The following TRHDE variants were observed in gnomAD, a reference collection of about 807,000 sequenced individuals.
TRHDE encodes the protein thyrotropin-releasing hormone-degrading ectoenzyme.
A neutral mutation model predicts 125.7 loss-of-function variants in TRHDE; 72 were observed. The observed-to-expected ratio is 0.57, with a 90% CI of 0.47 to 0.70. The LOEUF (loss-of-function observed/expected upper bound fraction) is 0.70. Ranked by LOEUF, TRHDE falls within the 30% of genes least tolerant of loss-of-function variation. The pLI, the probability that TRHDE is intolerant of heterozygous loss-of-function variation, is 0.00. For missense variants in TRHDE, 1,110 were observed against 1,327.1 expected, an observed-to-expected ratio of 0.84 and a Z score of 2.54; for synonymous variants, 509 against 509.1, an observed-to-expected ratio of 1.00 and a Z score of 0.00.
intron 2 of TRHDE, among the ~76,000 whole-genome samples, chr12:72,355,059 T>C (rs1870749694): frequency 1.3e-5 from 2 of 151,492 alleles, no homozygotes; most frequent in Admixed American, 1.3e-4. Context: ...CTCTTCTAGG[T>C]GTGGTGAATA....
chr12:72,361,304 C>A (rs1029301571), intron 2 of TRHDE, among the ~76,000 whole-genome samples: 2 of 151,622 alleles, frequency 1.3e-5, no homozygotes, highest in African/African-American at 4.8e-5. Flanking sequence ...AGGTGAAAAT[C>A]CAGATATTTT....
intron 2 of TRHDE, among the ~76,000 whole-genome samples, chr12:72,129,424 C>A (rs371113351): frequency 5.3e-5 from 8 of 152,158 alleles, no homozygotes; most frequent in African/African-American, 1.9e-4. Flanking sequence ...GTGATGAATG[C>A]CTAGATTGTC....
In TRHDE at chr12:72,378,111, G is replaced by A; in HGVS notation, c.1305G>A (p.Leu435=). Residue 435 remains leucine, a synonymous_variant, in exon 3 of 19, where the codon TTG becomes TTA. Transcript: ENST00000261180. Reference sequence around the variant, plus strand: ...ACTACTTTAAAGTGCCCTATTCCTTGCCAAAACTAGGTAAGAATTTTCTTG... The same window carrying A: ...ACTACTTTAAAGTGCCCTATTCCTTACCAAAACTAGGTAAGAATTTTCTTG... ...YEDYFKVPYS[L]PKLDLLAVPK... is the part of the protein sequence containing the mutation. 1 of 1,571,324 alleles carries A rather than the reference G, an allele frequency of 6.4e-7. No individual in the cohort carries two copies.
intron 15 of TRHDE, among the ~76,000 whole-genome samples, chr12:72,627,695 T>G (rs1425916097): frequency 6.6e-6 from 1 of 151,868 alleles, no homozygotes. Context: ...TTGACTTTCT[T>G]TTTTTAAAAA....
intron 2 of TRHDE, among the ~76,000 whole-genome samples, chr12:72,245,910 G>A (rs946449094): frequency 2.0e-5 from 3 of 152,164 alleles, no homozygotes; most frequent in Non-Finnish European, 2.9e-5. Context: ...ACAACTGGGA[G>A]TATAGTATAT....
At chr12:72,426,715 AT>A (rs34892584) in intron 3 of TRHDE, among the ~76,000 whole-genome samples, 19,808 of 150,602 alleles carry the variant, frequency 0.13, 1,675 homozygotes, top group East Asian at 0.47. Flanking sequence ...ACAAAAATAG[AT>A]TTAAAAAAAA....
At chr12:72,116,214 T>A (rs1247501521) in intron 2 of TRHDE, among the ~76,000 whole-genome samples, 1 of 152,264 alleles carries the variant, frequency 6.6e-6, no homozygotes, top group African/African-American at 2.4e-5. Flanking sequence ...GGCTGCATAG[T>A]ATTCCATGGT....
In TRHDE at chr12:72,458,593, CTTCT is replaced by C. The variant is rs1205692207; in HGVS notation, c.1316-11164_1316-11161del. 2.0e-5 allele frequency among the ~76,000 whole-genome samples: 3 copies of C among 152,124 alleles called. No homozygotes were observed. The East Asian group carries it at 5.8e-4, about 29-fold the overall frequency. ...CCCAGCCTCTCCCCAATGCATCAGACTTCTACATTCAGCCTCTTAGTAGATATCT... is the reference window on the plus strand; with the variant it reads ...CCCAGCCTCTCCCCAATGCATCAGACACATTCAGCCTCTTAGTAGATATCT... On this transcript the variant is annotated intron_variant, in intron 3 of 18. Coordinates refer to ENST00000261180, the MANE Select transcript of TRHDE (RefSeq NM_013381.3).
chr12:72,272,100 C>T (rs540337375), upstream of TRHDE: 3 of 457,526 alleles, frequency 6.6e-6, no homozygotes, highest in Admixed American at 2.3e-5. The surrounding 1 kb of genome is among the most constrained non-coding windows in gnomAD (Gnocchi z 6.7). Flanking sequence ...GGGTGCCTCC[C>T]GTGCTGTGGC....
intron 3 of TRHDE, among the ~76,000 whole-genome samples, chr12:72,385,172 T>C (rs1872358196): frequency 6.6e-6 from 1 of 152,082 alleles, no homozygotes; most frequent in Non-Finnish European, 1.5e-5. Flanking sequence ...TTATATATAG[T>C]TTGGTAGTTT....
At chr12:72,458,039 C>T (rs1430536656) in intron 3 of TRHDE, among the ~76,000 whole-genome samples, 1 of 152,032 alleles carries the variant, frequency 6.6e-6, no homozygotes, top group Non-Finnish European at 1.5e-5. Context: ...TGGGATGGGC[C>T]CACTCAGCAA....
At chr12:72,214,867 C>T (rs1245479741) in intron 2 of TRHDE, among the ~76,000 whole-genome samples, 1 of 152,146 alleles carries the variant, frequency 6.6e-6, no homozygotes, top group Admixed American at 6.6e-5. Context: ...TATATATATT[C>T]TCCTGTGCTA....
intron 3 of TRHDE, 145 bp from the exon 4 acceptor site, chr12:72,469,613 T>C: frequency 1.3e-6 from 1 of 741,938 alleles, no homozygotes; most frequent in Non-Finnish European, 2.2e-6. Context: ...CATGTAAAAA[T>C]GGCAAGTAGT....
chr12:72,653,191 TAA>T (rs1017097768), intron 17 of TRHDE, 35 bp downstream of exon 17: 1 of 1,579,252 alleles, frequency 6.3e-7, no homozygotes, highest in Non-Finnish European at 8.6e-7. Context: ...ATGAGTAAAT[TAA>T]AGCCGACATA....
chr12:72,247,748 T>C (rs1878600579), intron 2 of TRHDE, among the ~76,000 whole-genome samples: 1 of 151,438 alleles, frequency 6.6e-6, no homozygotes, highest in Non-Finnish European at 1.5e-5. Context: ...AGGGTTATTT[T>C]GTGTGGAGAT....
At chr12:72,139,758 T>C (rs1158113904) in intron 2 of TRHDE, among the ~76,000 whole-genome samples, 1 of 152,110 alleles carries the variant, frequency 6.6e-6, no homozygotes, top group Non-Finnish European at 1.5e-5. Flanking sequence ...AAAAATAAAA[T>C]TCTAAGCCCC....
chr12:72,431,980 T>G (rs1247418918), intron 3 of TRHDE: 2 of 186,448 alleles, frequency 1.1e-5, no homozygotes, highest in African/African-American at 4.7e-5. Context: ...GGTTTCTTTC[T>G]TCCTCCCATA....
chr12:72,653,225 T>C (rs145562212), intron 17 of TRHDE, 69 bp downstream of exon 17: 2 of 1,368,444 alleles, frequency 1.5e-6, no homozygotes, highest in East Asian at 4.9e-5. Context: ...GGCCCAAGTT[T>C]TGTGTTAAAG....
chr12:72,633,398 G>C (rs1246500683), intron 15 of TRHDE, among the ~76,000 whole-genome samples: 1 of 151,994 alleles, frequency 6.6e-6, no homozygotes, highest in African/African-American at 2.4e-5. Flanking sequence ...TCTCCACCAG[G>C]TTTCTCCAAT....
Sources: allele counts gnomAD v4.1 joint callset (sites outside exome capture counted in the v4.1 genomes callset), GRCh38; gene constraint gnomAD v4.1.1; non-coding constraint Gnocchi (gnomAD v3.1); transcripts MANE v1.5; gene names NCBI Gene and HGNC (gene_info 2026-07-23, HGNC 2026-07-21).